CAMTA1: variants seen among roughly 807,000 people sequenced by gnomAD.
The protein encoded by CAMTA1 is calmodulin-binding transcription activator 1.
CAMTA1 carries 27 observed loss-of-function variants against 170.9 expected under a neutral mutation model. The observed-to-expected ratio is 0.16, with a 90% CI of 0.12 to 0.22. The LOEUF is 0.22. Among genes scored for constraint, CAMTA1 ranks in the 10% least tolerant of loss-of-function variants. The pLI is 1.00. For synonymous variants in CAMTA1, 833 were observed against 891.5 expected (o/e 0.93, Z 1.17); for missense variants, 1,619 against 2,217.2 (o/e 0.73, Z 5.42).
At chr1:7,691,487 G>A (rs2096311100) in intron 11 of CAMTA1, among the ~76,000 whole-genome samples, 1 of 152,206 alleles carries the variant, frequency 6.6e-6, no homozygotes, top group South Asian at 2.1e-4. Flanking sequence ...AGAGGGTGAG[G>A]GGAGACCAGG....
At chr1:7,331,040 G>A (rs1047287686) in intron 5 of CAMTA1, among the ~76,000 whole-genome samples, 2 of 152,134 alleles carry the variant, frequency 1.3e-5, no homozygotes, top group African/African-American at 4.8e-5. Context: ...AGGAGTTCAA[G>A]AGCAGCCTGG....
Position 7,195,898 on chromosome 1 carries a change from A to G in CAMTA1, c.303-53593A>G, listed in dbSNP as rs1655434270. Among the ~76,000 whole-genome samples the G allele has an allele frequency of 6.6e-6, 1 of 152,224 alleles. No homozygotes were observed. Among genetic ancestry groups the G allele is most frequent in the Non-Finnish European group, 1.5e-5 (1 of 68,046 alleles). On this transcript the variant is annotated intron_variant, in intron 4 of 22. Transcript: ENST00000303635. The surrounding 1 kb of genome is among the most constrained non-coding windows in gnomAD (Gnocchi z 4.1). ...GCCAGGCATGGTGGCACATGCCTGT[A>G]GTCCCAGCTCTTAGGAGGCTGAGGC... is the stretch of plus-strand genomic sequence containing the variant.
chr1:7,096,360 C>T (rs1195889369), intron 4 of CAMTA1, among the ~76,000 whole-genome samples: 3 of 152,184 alleles, frequency 2.0e-5, no homozygotes, highest in Non-Finnish European at 2.9e-5. Flanking sequence ...TTTCTTCCCA[C>T]ATTCTCCCTT....
chr1:7,427,108 G>C (rs2091906737), intron 5 of CAMTA1, among the ~76,000 whole-genome samples: 2 of 152,146 alleles, frequency 1.3e-5, no homozygotes, highest in Admixed American at 1.3e-4. Context: ...TCCAGCAGGT[G>C]GGGGACAGGA....
At chr1:7,755,183 T>C (rs1434201028) in intron 21 of CAMTA1, among the ~76,000 whole-genome samples, 1 of 151,826 alleles carries the variant, frequency 6.6e-6, no homozygotes, top group Non-Finnish European at 1.5e-5. Flanking sequence ...AAAAATTAGC[T>C]GGGCGTGGTG....
At chr1:7,424,803 G>A (rs1019805330) in intron 5 of CAMTA1, among the ~76,000 whole-genome samples, 18 of 152,028 alleles carry the variant, frequency 1.2e-4, no homozygotes, top group African/African-American at 4.1e-4. Flanking sequence ...CAACAGTCTG[G>A]GCCTGCAGTG....
chr1:7,354,467 C>A (rs1231856887), intron 5 of CAMTA1, among the ~76,000 whole-genome samples: 3 of 152,188 alleles, frequency 2.0e-5, no homozygotes, highest in East Asian at 3.9e-4. Flanking sequence ...TTTCTTTATC[C>A]AATCCAGTGT....
At chr1:7,179,106 T>C (rs1214108499) in intron 4 of CAMTA1, among the ~76,000 whole-genome samples, 1 of 152,226 alleles carries the variant, frequency 6.6e-6, no homozygotes, top group African/African-American at 2.4e-5. Flanking sequence ...TGGTCATTGC[T>C]TCCAAATACA....
chr1:7,510,995 G>A lies in CAMTA1; in HGVS notation c.510+43094G>A, dbSNP rs1046827130. Among the ~76,000 whole-genome samples, 3 of 144,470 alleles carry A rather than the reference G, an allele frequency of 2.1e-5. 1 individual carries two copies. The highest frequency in any genetic ancestry group is 4.6e-5 in the Non-Finnish European group (3 of 64,522). 94.8% of individuals were successfully genotyped at this position (144,470 alleles called of 152,430 possible). A position where few individuals can be genotyped will look rare whatever the true frequency, so the allele number is the denominator to read the frequency against. On this transcript the variant is annotated intron_variant, in intron 6 of 22. Coordinates refer to ENST00000303635, the MANE Select transcript of CAMTA1 (RefSeq NM_015215.4). ...TTCCAGGGAGGCTCCTGGGAGCTTC[G>A]AGCCTCCCCTCTTTAAACTCTCCGT...
intron 5 of CAMTA1, among the ~76,000 whole-genome samples, chr1:7,457,755 A>ATCCAGACC (rs1001356893): frequency 1.3e-5 from 2 of 152,160 alleles, no homozygotes; most frequent in African/African-American, 4.8e-5. Context: ...ACTGGTCTTC[A>ATCCAGACC]TCCAGACCGA....
intron 11 of CAMTA1, among the ~76,000 whole-genome samples, chr1:7,725,354 T>C (rs1275201128): frequency 6.6e-6 from 1 of 152,190 alleles, no homozygotes; most frequent in Non-Finnish European, 1.5e-5. Flanking sequence ...TCAGATGCAA[T>C]GGGAATGGTA....
In CAMTA1 at chr1:7,310,600, T is replaced by TTTTC. The variant is rs372673213; in HGVS notation, c.438+61018_438+61021dup. On this transcript the variant is annotated intron_variant, in intron 5 of 22. Coordinates refer to ENST00000303635, the MANE Select transcript of CAMTA1 (RefSeq NM_015215.4). ...AGATTTTTCTTTTTCTTTTCTTTTC[T>TTTTC]TTTCTTTCTTTCTTTCTTTCTTTCT... Among the ~76,000 whole-genome samples, 156 of 54,574 alleles carry TTTTC rather than the reference T, an allele frequency of 2.9e-3. 8 individuals carry two copies. The highest frequency in any genetic ancestry group is 3.9e-3 in the Non-Finnish European group (120 of 31,136). 35.8% of individuals were successfully genotyped at this position (54,574 alleles called of 152,430 possible). A position where few individuals can be genotyped will look rare whatever the true frequency, so the allele number is the denominator to read the frequency against.
chr1:6,943,618 G>A lies in CAMTA1; in HGVS notation c.234+118408G>A, dbSNP rs112844177. Among the ~76,000 whole-genome samples the A allele has an allele frequency of 8.0e-3, 1,213 of 152,230 alleles. 7 individuals carry two copies. Among genetic ancestry groups the A allele is most frequent in the Non-Finnish European group, 0.014 (942 of 68,000 alleles). On this transcript the variant is annotated intron_variant, in intron 3 of 22. Transcript: ENST00000303635. Reference sequence around the variant, plus strand: ...AATCCCAGCACTTTGGGAGGCCGAGGTGGGCGGATCACGAGATCAGAGTTC... The same window carrying A: ...AATCCCAGCACTTTGGGAGGCCGAGATGGGCGGATCACGAGATCAGAGTTC...
intron 6 of CAMTA1, among the ~76,000 whole-genome samples, chr1:7,533,411 G>A (rs1447144136): frequency 6.6e-6 from 1 of 152,218 alleles, no homozygotes; most frequent in Non-Finnish European, 1.5e-5. Context: ...GAAGGGCTGG[G>A]TCCTTACTCT....
chr1:7,076,329 T>G (rs1454662554), intron 3 of CAMTA1, among the ~76,000 whole-genome samples: 1 of 152,256 alleles, frequency 6.6e-6, no homozygotes, highest in Non-Finnish European at 1.5e-5. Flanking sequence ...TTTTTATGGC[T>G]TTGACATTAT....
chr1:7,248,287 G>T lies in CAMTA1; in HGVS notation c.303-1204G>T, dbSNP rs1666136913. Among the ~76,000 whole-genome samples the T allele has an allele frequency of 6.6e-6, 1 of 152,226 alleles. No homozygotes were observed. Among genetic ancestry groups the T allele is most frequent in the Non-Finnish European group, 1.5e-5 (1 of 68,048 alleles). On this transcript the variant is annotated intron_variant, in intron 4 of 22. Coordinates refer to ENST00000303635, the MANE Select transcript of CAMTA1 (RefSeq NM_015215.4). The surrounding 1 kb of genome is among the most constrained non-coding windows in gnomAD (Gnocchi z 4.0). ...TGCCCCAGCCCTGCGGGGGACAGAT[G>T]GCTGACTTATGGTTTCCTCGCCTCC...
intron 6 of CAMTA1, among the ~76,000 whole-genome samples, chr1:7,542,497 G>A (rs1341297455): frequency 6.6e-6 from 1 of 151,986 alleles, no homozygotes; most frequent in Non-Finnish European, 1.5e-5. Context: ...GTGCAGTGGC[G>A]TGATCTCGGC....
At chr1:7,307,241 A>G (rs189980940) in intron 5 of CAMTA1, among the ~76,000 whole-genome samples, 37 of 152,106 alleles carry the variant, frequency 2.4e-4, no homozygotes, top group African/African-American at 8.4e-4. Flanking sequence ...ACTGGTTTTC[A>G]CTAATTCATT....
chr1:7,183,777 G>T (rs963009217), intron 4 of CAMTA1, among the ~76,000 whole-genome samples: 3 of 152,192 alleles, frequency 2.0e-5, no homozygotes, highest in African/African-American at 4.8e-5. Context: ...CATGAGGACA[G>T]TTCTTGGTGT....
Sources: allele counts gnomAD v4.1 joint callset (sites outside exome capture counted in the v4.1 genomes callset), GRCh38; gene constraint gnomAD v4.1.1; non-coding constraint Gnocchi (gnomAD v3.1); transcripts MANE v1.5; gene names NCBI Gene and HGNC (gene_info 2026-07-23, HGNC 2026-07-21).